Variants in KIAA1217 observed in about 807,000 individuals in gnomAD.
KIAA1217 encodes KIAA1217.
In KIAA1217, 88 loss-of-function variants were observed where a neutral mutation model predicts 163.9. The observed-to-expected ratio is 0.54, with a 90% CI of 0.45 to 0.64. KIAA1217 has a LOEUF of 0.64. KIAA1217 is among the 30% of genes least tolerant of loss of function. The pLI, the probability that KIAA1217 is intolerant of heterozygous loss-of-function variation, is 0.00. For synonymous variants in KIAA1217, 903 were observed against 923.1 expected (o/e 0.98, Z 0.39); for missense variants, 2,372 against 2,475.0 (o/e 0.96, Z 0.88).
intron 1 of KIAA1217, among the ~76,000 whole-genome samples, chr10:23,850,124 G>A (rs1839239287): frequency 2.0e-5 from 3 of 151,982 alleles, no homozygotes; most frequent in African/African-American, 4.8e-5. Context: ...CCATTAAAGA[G>A]TTTTTAATTA....
chr10:23,720,126 G>A (rs181774118), intron 1 of KIAA1217, among the ~76,000 whole-genome samples: 1 of 151,724 alleles, frequency 6.6e-6, no homozygotes, highest in East Asian at 1.9e-4. Context: ...ACAAAGTTGT[G>A]AATGTACTAA....
chr10:23,726,415 A>G (rs1838137575), intron 1 of KIAA1217, among the ~76,000 whole-genome samples: 1 of 151,788 alleles, frequency 6.6e-6, no homozygotes, highest in Admixed American at 6.6e-5. Context: ...CGATGGATTA[A>G]AGACTTAAAT....
intron 2 of KIAA1217, among the ~76,000 whole-genome samples, chr10:24,061,116 A>G (rs1244653010): frequency 6.6e-6 from 1 of 152,072 alleles, no homozygotes; most frequent in African/African-American, 2.4e-5. Context: ...TTTTTAAAAA[A>G]TTAATATGTT....
At chr10:24,279,801 T>C (rs1187978528) in intron 2 of KIAA1217, among the ~76,000 whole-genome samples, 3 of 152,152 alleles carry the variant, frequency 2.0e-5, no homozygotes, top group South Asian at 2.1e-4. Context: ...ATCCTAAATA[T>C]GTTATTATGG....
rs115743347 is a variant in KIAA1217, at chr10:23,812,861, G to A, written c.-321+117627G>A. ...TAACATTTTCAAGGTTTCTTCTTGG[G>A]TTGTTTCCATTTCTTGGCTATTATG... On this transcript the variant is annotated intron_variant, in intron 1 of 18. Coordinates refer to the KIAA1217 transcript ENST00000376462. Among the ~76,000 whole-genome samples the A allele has an allele frequency of 4.7e-3, 719 of 152,238 alleles. 2 individuals carry two copies. Among genetic ancestry groups the A allele is most frequent in the African/African-American group, 0.017 (693 of 41,526 alleles).
chr10:23,790,558 TAC>T lies in KIAA1217; in HGVS notation c.-321+95326_-321+95327del, dbSNP rs538193491. On this transcript the variant is annotated intron_variant, in intron 1 of 18. Transcript: ENST00000376462. The stretch of plus-strand genomic sequence containing the variant: ...ATATACATGTGCATATATACATATG[TAC>T]ATATGTATATATACATATGTATATG... Among the ~76,000 whole-genome samples the T allele has an allele frequency of 6.4e-4, 70 of 109,656 alleles. 19 individuals are homozygous for T. The highest frequency in any genetic ancestry group is 4.1e-3 in the African/African-American group (69 of 16,966). The allele number at this position is 109,656 out of a possible 152,430, so 71.9% of individuals were successfully genotyped here.
chr10:24,152,077 C>T (rs2064643907), intron 2 of KIAA1217, among the ~76,000 whole-genome samples: 1 of 152,166 alleles, frequency 6.6e-6, no homozygotes, highest in Non-Finnish European at 1.5e-5. Context: ...TCCCTCCCTC[C>T]CTGCATGGCT....
intron 1 of KIAA1217, among the ~76,000 whole-genome samples, chr10:23,981,122 A>G (rs938127702): frequency 2.0e-5 from 3 of 152,320 alleles, no homozygotes. Flanking sequence ...AACACAGAAC[A>G]TTTCTGCTTA....
chr10:23,818,271 AATATGTTATATATTT>A (rs1837443897), intron 1 of KIAA1217, among the ~76,000 whole-genome samples: 1 of 143,432 alleles, frequency 7.0e-6, no homozygotes, highest in Non-Finnish European at 1.5e-5. Flanking sequence ...TGTAATATAT[AATATGTTATATATTT>A]ATATGTTATA....
At chr10:24,047,437 T>C (rs1481283352) in intron 2 of KIAA1217, among the ~76,000 whole-genome samples, 2 of 152,166 alleles carry the variant, frequency 1.3e-5, no homozygotes, top group Non-Finnish European at 2.9e-5. Flanking sequence ...TGGGGAGAAG[T>C]AGTGGTGAGG....
chr10:23,720,583 G>GC (rs1481382573), intron 1 of KIAA1217, among the ~76,000 whole-genome samples: 1 of 152,130 alleles, frequency 6.6e-6, no homozygotes, highest in African/African-American at 2.4e-5. Context: ...GGGAGGTACA[G>GC]CCTTATAAAA....
At chr10:24,297,727 G>T (rs1365692374) in intron 2 of KIAA1217, among the ~76,000 whole-genome samples, 1 of 152,112 alleles carries the variant, frequency 6.6e-6, no homozygotes. Flanking sequence ...CTGCATTCCA[G>T]CCTGGGCAAC....
intron 2 of KIAA1217, among the ~76,000 whole-genome samples, chr10:24,143,244 G>A (rs965657925): frequency 3.3e-5 from 5 of 152,114 alleles, no homozygotes; most frequent in African/African-American, 1.2e-4. Flanking sequence ...CACTCAAGTT[G>A]TTATCCCCTC....
chr10:23,925,139 A>G (rs1206532028), intron 1 of KIAA1217, among the ~76,000 whole-genome samples: 3 of 152,182 alleles, frequency 2.0e-5, no homozygotes, highest in African/African-American at 4.8e-5. Context: ...AGGAAGCAAG[A>G]CAGAAGGAAG....
chr10:24,513,547 T>A, intron 10 of KIAA1217, 113 bp downstream of exon 10: 1 of 976,702 alleles, frequency 1.0e-6, no homozygotes, highest in Non-Finnish European at 1.5e-6. Context: ...ATTGAGCACC[T>A]ACTGTGTAAA....
At chr10:23,980,450 G>T (rs936049191) in intron 1 of KIAA1217, among the ~76,000 whole-genome samples, 2 of 152,118 alleles carry the variant, frequency 1.3e-5, no homozygotes, top group Admixed American at 6.5e-5. Flanking sequence ...TACATGTAGG[G>T]TTTCACTCAT....
intron 1 of KIAA1217, among the ~76,000 whole-genome samples, chr10:23,879,352 A>G (rs982499207): frequency 2.6e-5 from 4 of 151,970 alleles, no homozygotes; most frequent in Non-Finnish European, 4.4e-5. Context: ...GACAGAGTAC[A>G]AGGCATCCTA....
intron 2 of KIAA1217, among the ~76,000 whole-genome samples, chr10:24,135,149 T>C (rs924396590): frequency 5.9e-5 from 9 of 152,062 alleles, no homozygotes; most frequent in African/African-American, 1.9e-4. Flanking sequence ...TAATAACATA[T>C]AATAAAACAA....
rs879464110 is a variant in KIAA1217, at chr10:24,273,358, A to G, written c.354+53449A>G. Among the ~76,000 whole-genome samples the G allele has an allele frequency of 3.3e-5, 5 of 152,220 alleles. 1 individual carries two copies. Among genetic ancestry groups the G allele is most frequent in the Non-Finnish European group, 7.3e-5 (5 of 68,034 alleles). On this transcript the variant is annotated intron_variant, in intron 2 of 20. Coordinates refer to ENST00000376454, the MANE Select transcript of KIAA1217 (RefSeq NM_019590.5). The stretch of plus-strand genomic sequence containing the variant: ...CTCTAGTCATATTCTCAGACAGTCC[A>G]GGCTAAGTATTAATGATCTTCTTTG...
Sources: gnomAD v4.1 joint callset for allele counts (sites outside exome capture counted in the v4.1 genomes callset) on GRCh38, gnomAD v4.1.1 for gene constraint, MANE v1.5 for transcripts, NCBI Gene and HGNC (gene_info 2026-07-23, HGNC 2026-07-21) for gene names.